Variants in SERPINB7 observed in about 807,000 individuals in gnomAD.
The protein encoded by SERPINB7 is serpin family B member 7.
In SERPINB7, 31 loss-of-function variants were observed where a neutral mutation model predicts 37.4. The observed-to-expected ratio is 0.83, with a 90% CI of 0.62 to 1.12. The LOEUF (loss-of-function observed/expected upper bound fraction) is 1.12, where lower values mean the gene tolerates loss of function less well. SERPINB7 is among the 50% of genes most tolerant of loss of function. The probability of loss-of-function intolerance (pLI) is 0.00; values close to 1 mark genes in which losing one functional copy is unlikely to be tolerated. For missense variants in SERPINB7, 521 were observed against 455.3 expected (o/e 1.14, Z -1.31); for synonymous variants, 163 against 166.1 (o/e 0.98, Z 0.14).
intron 2 of SERPINB7, among the ~76,000 whole-genome samples, chr18:63,791,632 A>G (rs1701633): frequency 0.13 from 20,402 of 151,408 alleles, 2,350 homozygotes; most frequent in East Asian, 0.48. Flanking sequence ...TTTTTTTGAG[A>G]TGGCGTCTCA....
intron 5 of SERPINB7, among the ~76,000 whole-genome samples, chr18:63,798,085 G>A (rs1407189671): frequency 6.6e-6 from 1 of 152,200 alleles, no homozygotes; most frequent in Non-Finnish European, 1.5e-5. Flanking sequence ...TGGACTGGGA[G>A]CTCAATGATG....
At chr18:63,792,351 C>A (rs753713403) in intron 2 of SERPINB7, 42 bp from the exon 3 acceptor site, 9 of 1,427,256 alleles carry the variant, frequency 6.3e-6, no homozygotes, top group Non-Finnish European at 8.9e-6. Context: ...GTTCTCGTAA[C>A]CTCTGATTCT....
chr18:63,786,054 T>A (rs370856151), intron 2 of SERPINB7, among the ~76,000 whole-genome samples: 2 of 83,762 alleles, frequency 2.4e-5, no homozygotes, highest in African/African-American at 3.5e-5. Flanking sequence ...ATATAATATA[T>A]GTATATATAA....
In SERPINB7 at chr18:63,792,444, G is replaced by T. The variant is rs868599191; in HGVS notation, c.219+1G>T. Reference sequence around the variant, plus strand: ...ATATGGAAACTCTTCTAATAGTCAGGTAAAGACAATATGTTCTTTTAGAAA... The same window carrying T: ...ATATGGAAACTCTTCTAATAGTCAGTTAAAGACAATATGTTCTTTTAGAAA... On this transcript the variant is annotated splice_donor_variant, in intron 3 of 7. Coordinates refer to ENST00000398019, the MANE Select transcript of SERPINB7 (RefSeq NM_003784.4). LOFTEE classifies it high-confidence loss of function. The T allele has an allele frequency of 6.3e-7, 1 of 1,583,874 alleles. No individual in the cohort carries two copies. Among genetic ancestry groups the T allele is most frequent in the African/African-American group, 1.3e-5 (1 of 74,264 alleles).
At chr18:63,765,129 A>G (rs1476612209) in intron 1 of SERPINB7, among the ~76,000 whole-genome samples, 1 of 152,248 alleles carries the variant, frequency 6.6e-6, no homozygotes, top group East Asian at 1.9e-4. Context: ...AGATTCAACT[A>G]TGTGTGAATA....
chr18:63,783,236 A>AGAGAGAG (rs2049328748), intron 2 of SERPINB7, among the ~76,000 whole-genome samples: 11 of 61,922 alleles, frequency 1.8e-4, no homozygotes, highest in South Asian at 6.8e-4. Flanking sequence ...GAGAGAGAGA[A>AGAGAGAG]AGAAAGAAAG....
chr18:63,793,141 A>G lies in SERPINB7; in HGVS notation c.220-20A>G, dbSNP rs1343144865. ...CTTTGCAGTCCAAAAATAAATTTTT[A>G]TACATCTTTTTAATAACAGTCAGGG... On this transcript the variant is annotated intron_variant, in intron 3 of 7. Coordinates refer to ENST00000398019, the MANE Select transcript of SERPINB7 (RefSeq NM_003784.4). 3.7e-6 allele frequency: 5 copies of G among 1,355,574 alleles called. No individual in the cohort carries two copies. The highest frequency in any genetic ancestry group is 3.1e-6 in the Non-Finnish European group (3 of 974,792). 84.0% of individuals were successfully genotyped at this position (1,355,574 alleles called of 1,614,324 possible). A position where few individuals can be genotyped will look rare whatever the true frequency, so the allele number is the denominator to read the frequency against.
At chr18:63,754,853 A>G in intron 1 of SERPINB7, among the ~76,000 whole-genome samples, 1 of 135,590 alleles carries the variant, frequency 7.4e-6, no homozygotes, top group East Asian at 2.5e-4. Flanking sequence ...ACAATTTTCT[A>G]GTGCCCAGCA....
intron 1 of SERPINB7, among the ~76,000 whole-genome samples, chr18:63,779,689 A>C (rs1258276368): frequency 6.6e-6 from 1 of 151,798 alleles, no homozygotes; most frequent in Non-Finnish European, 1.5e-5. Context: ...CTAAACATTT[A>C]TGTACTCTGT....
At chr18:63,795,685 C>A (rs2049480570) in intron 4 of SERPINB7, among the ~76,000 whole-genome samples, 1 of 151,864 alleles carries the variant, frequency 6.6e-6, no homozygotes, top group African/African-American at 2.4e-5. Flanking sequence ...AAGACATAAT[C>A]ATGAGCTATA....
At chr18:63,783,226 GAGAGAGAGAAAGAA>G (rs1217196534) in intron 2 of SERPINB7, among the ~76,000 whole-genome samples, 178 of 62,656 alleles carry the variant, frequency 2.8e-3, no homozygotes, top group East Asian at 3.7e-3. Flanking sequence ...GAGAGAGAGA[GAGAGAGAGAAAGAA>G]AGAAAGAAAG....
intron 3 of SERPINB7, 28 bp downstream of exon 3, chr18:63,792,471 A>G: frequency 6.7e-7 from 1 of 1,485,338 alleles, no homozygotes; most frequent in South Asian, 1.1e-5. Flanking sequence ...TTTTAGAAAA[A>G]GAGAAGGTGA....
chr18:63,759,795 G>A (rs956071140), intron 1 of SERPINB7, among the ~76,000 whole-genome samples: 8 of 152,144 alleles, frequency 5.3e-5, no homozygotes, highest in South Asian at 2.1e-4. Context: ...AGGGGTTTCC[G>A]CTCTTGCTTC....
intron 2 of SERPINB7, among the ~76,000 whole-genome samples, chr18:63,785,916 T>C (rs866791981): frequency 4.3e-5 from 5 of 115,058 alleles, no homozygotes; most frequent in Admixed American, 8.8e-5. Flanking sequence ...TATATACACA[T>C]ATATAATATA....
chr18:63,801,708 C>T (rs957033073), intron 7 of SERPINB7, among the ~76,000 whole-genome samples: 1 of 152,096 alleles, frequency 6.6e-6, no homozygotes, highest in African/African-American at 2.4e-5. Flanking sequence ...CACCTCTGGA[C>T]TCTGTGGGGG....
At chr18:63,777,320 G>T (rs2049258524) in intron 1 of SERPINB7, among the ~76,000 whole-genome samples, 1 of 152,046 alleles carries the variant, frequency 6.6e-6, no homozygotes, top group African/African-American at 2.4e-5. Flanking sequence ...CTCTGGGACT[G>T]CAGTGCTACT....
At chr18:63,755,114 C>G (rs1202680363) in intron 1 of SERPINB7, among the ~76,000 whole-genome samples, 1 of 151,900 alleles carries the variant, frequency 6.6e-6, no homozygotes, top group African/African-American at 2.4e-5. Flanking sequence ...CCTTGTTAGC[C>G]AGGATGGTCT....
upstream of SERPINB7, among the ~76,000 whole-genome samples, chr18:63,775,177 C>G (rs1258355226): frequency 6.6e-6 from 1 of 152,096 alleles, no homozygotes; most frequent in Non-Finnish European, 1.5e-5. Flanking sequence ...CTGACAGATA[C>G]TGTTGATTCT....
intron 2 of SERPINB7, among the ~76,000 whole-genome samples, chr18:63,790,388 A>C (rs2049414528): frequency 6.6e-6 from 1 of 152,214 alleles, no homozygotes; most frequent in Non-Finnish European, 1.5e-5. Flanking sequence ...AGTTAAAAAC[A>C]GTCAGCTTTG....
Sources: allele counts gnomAD v4.1 joint callset (sites outside exome capture counted in the v4.1 genomes callset), GRCh38; gene constraint gnomAD v4.1.1; transcripts MANE v1.5; gene names NCBI Gene and HGNC (gene_info 2026-07-23, HGNC 2026-07-21).